Variants in MGAT5 observed in about 807,000 individuals in gnomAD.
MGAT5 encodes alpha-1,6-mannosylglycoprotein 6-beta-N-acetylglucosaminyltransferase A.
A neutral mutation model predicts 94.3 loss-of-function variants in MGAT5; 30 were observed. The ratio of observed to expected loss-of-function variants is 0.32; its 90% confidence interval spans 0.24 to 0.43. The LOEUF is 0.43. MGAT5 is among the 20% of genes least tolerant of loss of function. The pLI is 1.00. For synonymous variants in MGAT5, 310 were observed against 322.9 expected, an observed-to-expected ratio of 0.96 and a Z score of 0.43; for missense variants, 691 against 905.5, an observed-to-expected ratio of 0.76 and a Z score of 3.04.
Position 134,254,516 on chromosome 2 carries a change from C to G in MGAT5, c.113C>G (p.Thr38Ser), listed in dbSNP as rs561212748. The G allele has an allele frequency of 1.2e-6, 2 of 1,614,230 alleles. No homozygotes were observed. The highest frequency in any genetic ancestry group is 1.7e-5 in the Admixed American group (1 of 60,034). ...CTGCACTTTACCATCCAGCAGCGAACTCAGCCTGAAAGCAGCTCCATGCTG... is the reference window on the plus strand; with the variant it reads ...CTGCACTTTACCATCCAGCAGCGAAGTCAGCCTGAAAGCAGCTCCATGCTG... ...MLLHFTIQQR[T>S]QPESSSMLRE... Residue 38 changes from threonine (T) to serine (S), a missense_variant, in exon 1 of 16, where the codon ACT (threonine) becomes AGT (serine). By Grantham distance (58) the Thr-to-Ser change is moderately conservative. Transcript: ENST00000281923.
intron 1 of MGAT5, among the ~76,000 whole-genome samples, chr2:134,243,119 T>C (rs1682058301): frequency 6.6e-6 from 1 of 152,000 alleles, no homozygotes; most frequent in Admixed American, 6.6e-5. Context: ...CCAATAGAGT[T>C]GTTATAGAAT....
At chr2:134,145,579 G>C (rs765863880) in intron 1 of MGAT5, among the ~76,000 whole-genome samples, 2 of 152,206 alleles carry the variant, frequency 1.3e-5, no homozygotes, top group Non-Finnish European at 2.9e-5. Context: ...ATTTTCCTGA[G>C]CCTTGACATT....
chr2:134,323,196 T>C (rs1027803061), intron 4 of MGAT5, among the ~76,000 whole-genome samples: 5 of 152,182 alleles, frequency 3.3e-5, no homozygotes, highest in Non-Finnish European at 7.4e-5. Context: ...AAGCCATCAA[T>C]ATTTTTCCTT....
intron 1 of MGAT5, among the ~76,000 whole-genome samples, chr2:134,244,818 AG>A (rs1156605514): frequency 7.9e-5 from 12 of 152,098 alleles, no homozygotes; most frequent in Non-Finnish European, 7.3e-5. Context: ...CTAGTTATAG[AG>A]GGTTATTGGA....
chr2:134,430,805 A>C (rs372442922), intron 14 of MGAT5, among the ~76,000 whole-genome samples: 2 of 152,182 alleles, frequency 1.3e-5, no homozygotes, highest in South Asian at 4.1e-4. Context: ...CTGTGTGGTC[A>C]GTTGGGGAGG....
At chr2:134,156,075 C>T (rs751436555) in intron 1 of MGAT5, among the ~76,000 whole-genome samples, 7 of 152,174 alleles carry the variant, frequency 4.6e-5, no homozygotes, top group Non-Finnish European at 8.8e-5. Context: ...AAGCCTAGGA[C>T]GTCCAGCAGC....
intron 1 of MGAT5, among the ~76,000 whole-genome samples, chr2:134,183,271 G>A (rs373614758): frequency 6.6e-6 from 1 of 152,162 alleles, no homozygotes. Context: ...AATTAATACG[G>A]TTGCTTTCAT....
chr2:134,449,700 A>C lies in MGAT5; in HGVS notation c.*853A>C, dbSNP rs1427845376. 6.6e-6 allele frequency: 1 copy of C among 152,254 alleles called. No homozygotes were observed. Among genetic ancestry groups the C allele is most frequent in the Non-Finnish European group, 1.5e-5 (1 of 68,054 alleles). The allele number at this position is 152,254 out of a possible 1,614,324, so 9.4% of individuals were successfully genotyped here. On this transcript the variant is annotated 3_prime_UTR_variant, in exon 16 of 16. Coordinates refer to ENST00000281923, the MANE Select transcript of MGAT5 (RefSeq NM_002410.5). ...ATTGAGGGATTTTGGAGTTTCTGGT[A>C]AACTCACCCTCCCTCCAGCCCCGCT...
chr2:134,448,255 G>A (rs900355829), intron 15 of MGAT5, among the ~76,000 whole-genome samples: 3 of 152,124 alleles, frequency 2.0e-5, no homozygotes, highest in African/African-American at 7.2e-5. Flanking sequence ...CCTTTCCCCA[G>A]GATGACTCTC....
At chr2:134,325,883 C>T (rs1687611102) in intron 4 of MGAT5, among the ~76,000 whole-genome samples, 1 of 152,064 alleles carries the variant, frequency 6.6e-6, no homozygotes, top group Admixed American at 6.6e-5. Flanking sequence ...CATGTTGTTG[C>T]ATAACCTGGC....
chr2:134,233,473 C>T (rs1469286142), intron 1 of MGAT5, among the ~76,000 whole-genome samples: 3 of 152,070 alleles, frequency 2.0e-5, no homozygotes, highest in Admixed American at 2.0e-4. Flanking sequence ...TTTGCTGACA[C>T]TTGGTGCATT....
At chr2:134,290,712 C>T (rs1046792112) in intron 2 of MGAT5, among the ~76,000 whole-genome samples, 1 of 152,190 alleles carries the variant, frequency 6.6e-6, no homozygotes, top group African/African-American at 2.4e-5. Context: ...GATCCTGTGG[C>T]TTTATCTCTA....
chr2:134,379,639 T>C (rs1327397795), intron 10 of MGAT5, among the ~76,000 whole-genome samples: 4 of 152,232 alleles, frequency 2.6e-5, no homozygotes, highest in Non-Finnish European at 5.9e-5. Flanking sequence ...ATGGCTGGAC[T>C]GCAGGCGTTA....
intron 1 of MGAT5, among the ~76,000 whole-genome samples, chr2:134,200,899 C>G (rs1679755214): frequency 6.6e-6 from 1 of 152,068 alleles, no homozygotes; most frequent in African/African-American, 2.4e-5. Flanking sequence ...GTGGTATGCA[C>G]CTGTAGTCCC....
In MGAT5 at chr2:134,200,460, G is replaced by C. The variant is rs550469713; in HGVS notation, c.-142-53802G>C. On this transcript the variant is annotated intron_variant, in intron 1 of 16. Transcript: ENST00000409645. ...TGATGGCAGTTGTTGCCAATTAATG[G>C]TGTTACAAGTCTCTTTTTCTTCTTT... 8.5e-5 allele frequency among the ~76,000 whole-genome samples: 13 copies of C among 152,310 alleles called. No individual in the cohort carries two copies. In the East Asian group the frequency reaches 2.5e-3, roughly 29 times the overall value.
At chr2:134,359,714 A>G (rs928267007) in intron 9 of MGAT5, among the ~76,000 whole-genome samples, 2 of 152,234 alleles carry the variant, frequency 1.3e-5, no homozygotes, top group Non-Finnish European at 2.9e-5. Flanking sequence ...CAAAAAAGAA[A>G]GGTTGGCCTG....
intron 2 of MGAT5, among the ~76,000 whole-genome samples, chr2:134,298,298 A>G (rs1030707898): frequency 6.6e-6 from 1 of 152,006 alleles, no homozygotes; most frequent in Admixed American, 6.6e-5. Flanking sequence ...ATGTTTCACC[A>G]TGTTGGCCAG....
At chr2:134,145,212 C>CTGTGTG (rs1350453588) in intron 1 of MGAT5, among the ~76,000 whole-genome samples, 282 of 113,762 alleles carry the variant, frequency 2.5e-3, no homozygotes, top group African/African-American at 9.5e-3. Context: ...GTGTCTCTCT[C>CTGTGTG]TCTGTGTGTG....
At chr2:134,159,700 A>G (rs929957067) in intron 1 of MGAT5, among the ~76,000 whole-genome samples, 1 of 152,076 alleles carries the variant, frequency 6.6e-6, no homozygotes, top group Non-Finnish European at 1.5e-5. Flanking sequence ...AAATTAGTTG[A>G]GCATGGTGGC....
Sources: allele counts gnomAD v4.1 joint callset (sites outside exome capture counted in the v4.1 genomes callset), GRCh38; gene constraint gnomAD v4.1.1; transcripts MANE v1.5; gene names NCBI Gene and HGNC (gene_info 2026-07-23, HGNC 2026-07-21).